ARHGAP15: variants seen among roughly 807,000 people sequenced by gnomAD.
ARHGAP15 encodes the protein rho GTPase-activating protein 15.
In ARHGAP15, 51 loss-of-function variants were observed where a neutral mutation model predicts 63.7. The observed-to-expected ratio is 0.80, with a 90% CI of 0.64 to 1.01. The LOEUF is 1.01. Among genes scored for constraint, ARHGAP15 ranks in the 50% least tolerant of loss-of-function variants. The pLI is 0.00. For synonymous variants in ARHGAP15, 191 were observed against 193.8 expected (o/e 0.99, Z 0.12); for missense variants, 560 against 564.6 (o/e 0.99, Z 0.08).
intron 6 of ARHGAP15, among the ~76,000 whole-genome samples, chr2:143,400,326 G>A (rs1687936412): frequency 6.6e-6 from 1 of 151,970 alleles, no homozygotes; most frequent in African/African-American, 2.4e-5. Context: ...TGGCTCTACA[G>A]GAGGAGTTTG....
At chr2:143,275,927 G>A (rs187988384) in intron 6 of ARHGAP15, among the ~76,000 whole-genome samples, 73 of 152,288 alleles carry the variant, frequency 4.8e-4, no homozygotes, top group African/African-American at 1.7e-3. Flanking sequence ...TGAACAGGTA[G>A]GGCTTGTAAG....
At chr2:143,510,116 C>CT (rs1419860551) in intron 9 of ARHGAP15, among the ~76,000 whole-genome samples, 10 of 141,294 alleles carry the variant, frequency 7.1e-5, no homozygotes, top group Non-Finnish European at 1.2e-4. Flanking sequence ...AAAGGAAAAA[C>CT]TAATGTAATT....
intron 13 of ARHGAP15, among the ~76,000 whole-genome samples, chr2:143,756,369 G>A (rs1467187905): frequency 1.3e-5 from 2 of 152,064 alleles, no homozygotes; most frequent in Non-Finnish European, 2.9e-5. Context: ...AATATTACTA[G>A]CACATACTAG....
At chr2:143,697,583 C>G (rs971216430) in intron 12 of ARHGAP15, among the ~76,000 whole-genome samples, 5 of 152,132 alleles carry the variant, frequency 3.3e-5, no homozygotes, top group African/African-American at 1.2e-4. Flanking sequence ...TACCGATTTT[C>G]TTATTTATAA....
chr2:143,291,140 T>G (rs1329231676), intron 6 of ARHGAP15, among the ~76,000 whole-genome samples: 2 of 152,124 alleles, frequency 1.3e-5, no homozygotes, highest in African/African-American at 4.8e-5. Flanking sequence ...GATTTGACTT[T>G]GAAAGTCCAG....
chr2:143,436,996 C>T lies in ARHGAP15; in HGVS notation c.657C>T (p.Tyr219=), dbSNP rs17230746. The T allele has an allele frequency of 0.21, 331,385 of 1,606,436 alleles. 37,710 individuals carry two copies. The highest frequency in any genetic ancestry group is 0.23 in the Non-Finnish European group (272,597 of 1,177,004). ...CTAGCACTGAATTGCTAAGTCACTA[C>T]GACAGTGATATAAAAGAACAGAAAC... The part of the protein sequence containing the change: ...RSSSTELLSH[Y]DSDIKEQKPE... The change falls in exon 8 of 14, where the codon TAC becomes TAT. Residue 219 remains tyrosine (Y), a synonymous_variant. Coordinates refer to ENST00000295095, the MANE Select transcript of ARHGAP15 (RefSeq NM_018460.4).
intron 12 of ARHGAP15, among the ~76,000 whole-genome samples, chr2:143,684,319 C>T (rs1352888290): frequency 6.6e-6 from 1 of 152,188 alleles, no homozygotes; most frequent in Non-Finnish European, 1.5e-5. Flanking sequence ...ACATCCTTCA[C>T]TCATTTGATT....
At chr2:143,148,380 G>C (rs1342273230) in intron 1 of ARHGAP15, among the ~76,000 whole-genome samples, 1 of 152,052 alleles carries the variant, frequency 6.6e-6, no homozygotes, top group Non-Finnish European at 1.5e-5. Flanking sequence ...CTATGTCTCA[G>C]AGTAGAGGCT....
intron 6 of ARHGAP15, among the ~76,000 whole-genome samples, chr2:143,419,642 CTA>C (rs896157128): frequency 1.2e-4 from 17 of 142,588 alleles, no homozygotes; most frequent in East Asian, 8.3e-4. Flanking sequence ...TATGTATGAC[CTA>C]TATATATATA....
intron 6 of ARHGAP15, among the ~76,000 whole-genome samples, chr2:143,299,920 T>A (rs1252479295): frequency 6.6e-6 from 1 of 152,016 alleles, no homozygotes; most frequent in Non-Finnish European, 1.5e-5. Flanking sequence ...AGGGTTGTCA[T>A]CTTTCAGGCA....
At chr2:143,643,483 T>G (rs1208623108) in intron 12 of ARHGAP15, among the ~76,000 whole-genome samples, 1 of 129,402 alleles carries the variant, frequency 7.7e-6, no homozygotes, top group Non-Finnish European at 1.6e-5. Flanking sequence ...CTTTAAAGAC[T>G]GGTAGCATCA....
intron 9 of ARHGAP15, among the ~76,000 whole-genome samples, chr2:143,498,980 G>A (rs1302386006): frequency 6.6e-6 from 1 of 152,014 alleles, no homozygotes; most frequent in African/African-American, 2.4e-5. Flanking sequence ...ATTCACAAAA[G>A]GCTCATTCCC....
chr2:143,495,554 G>T (rs185268114), intron 9 of ARHGAP15, among the ~76,000 whole-genome samples: 1 of 152,184 alleles, frequency 6.6e-6, no homozygotes, highest in African/African-American at 2.4e-5. Context: ...TAAGGTGTCT[G>T]CCATAAAAGA....
At chr2:143,468,463 C>T (rs1393202769) in intron 8 of ARHGAP15, among the ~76,000 whole-genome samples, 2 of 151,960 alleles carry the variant, frequency 1.3e-5, no homozygotes, top group African/African-American at 4.8e-5. Flanking sequence ...GTTTCATAAA[C>T]CTTTTAGAAA....
intron 11 of ARHGAP15, among the ~76,000 whole-genome samples, chr2:143,567,037 G>A (rs531726282): frequency 1.3e-5 from 2 of 152,038 alleles, no homozygotes; most frequent in East Asian, 3.9e-4. Context: ...CACCACGCCT[G>A]GCTAATTTTT....
chr2:143,233,095 T>A (rs1398441720), intron 5 of ARHGAP15, among the ~76,000 whole-genome samples: 1 of 152,218 alleles, frequency 6.6e-6, no homozygotes, highest in Middle Eastern at 3.2e-3. Context: ...TATTACCATC[T>A]GGTGTTTTAA....
chr2:143,240,764 A>G (rs1324008008), intron 5 of ARHGAP15, among the ~76,000 whole-genome samples: 1 of 152,242 alleles, frequency 6.6e-6, no homozygotes, highest in Non-Finnish European at 1.5e-5. Flanking sequence ...GAAGAAAAAA[A>G]GGAAATTAAA....
intron 13 of ARHGAP15, among the ~76,000 whole-genome samples, chr2:143,757,022 T>C (rs1337373702): frequency 6.6e-6 from 1 of 152,200 alleles, no homozygotes; most frequent in Non-Finnish European, 1.5e-5. Context: ...TGCATCTTAA[T>C]CTAGGCTCTG....
intron 8 of ARHGAP15, among the ~76,000 whole-genome samples, chr2:143,468,788 A>C (rs1482277275): frequency 6.6e-6 from 1 of 152,124 alleles, no homozygotes; most frequent in Non-Finnish European, 1.5e-5. Flanking sequence ...AAGTAAAATC[A>C]GTAGTCTATT....
Sources: allele counts gnomAD v4.1 joint callset (sites outside exome capture counted in the v4.1 genomes callset), GRCh38; gene constraint gnomAD v4.1.1; transcripts MANE v1.5; gene names NCBI Gene and HGNC (gene_info 2026-07-23, HGNC 2026-07-21).